The following CHP1 variants were observed in gnomAD, a reference collection of about 807,000 sequenced individuals.
CHP1 encodes calcineurin B homologous protein 1.
Under a neutral mutation model 27.4 loss-of-function variants are expected in CHP1, and 11 were observed. The ratio of observed to expected loss-of-function variants is 0.40; its 90% confidence interval spans 0.25 to 0.67. The LOEUF is 0.67. Among genes scored for constraint, CHP1 ranks in the 30% least tolerant of loss-of-function variants. The pLI, the probability that CHP1 is intolerant of heterozygous loss-of-function variation, is 0.38. For missense variants in CHP1, 169 were observed against 251.3 expected (o/e 0.67, Z 2.22); for synonymous variants, 89 against 87.4 (o/e 1.02, Z -0.10).
chr15:41,278,639 A>C, intron 5 of CHP1, 128 bp from the exon 6 acceptor site: 1 of 1,056,064 alleles, frequency 9.5e-7, no homozygotes, highest in South Asian at 1.6e-5. Context: ...AAACATTATT[A>C]TGCAGTGCAT....
At chr15:41,263,762 G>C (rs957217349) in intron 4 of CHP1, among the ~76,000 whole-genome samples, 4 of 152,060 alleles carry the variant, frequency 2.6e-5, no homozygotes, top group African/African-American at 9.7e-5. Flanking sequence ...GTGCTCCCAG[G>C]TACTTGGGAG....
chr15:41,239,518 C>T (rs796889364), intron 1 of CHP1, among the ~76,000 whole-genome samples: 2 of 151,886 alleles, frequency 1.3e-5, no homozygotes, highest in African/African-American at 4.8e-5. Context: ...ATTCTCCTGC[C>T]TCAGCCTCCC....
Position 41,231,292 on chromosome 15 carries a change from C to T in CHP1, c.-91C>T. On this transcript the variant is annotated 5_prime_UTR_variant, in exon 1 of 7. Transcript: ENST00000334660. ...CAGTGGAAACACTGCCCTCTCCCTT[C>T]TTGACCCCTAGCCCTTCCTTCCCTC... is the stretch of plus-strand genomic sequence containing the variant. 7.7e-7 allele frequency: 1 copy of T among 1,295,322 alleles called. No individual in the cohort carries two copies. Among genetic ancestry groups the T allele is most frequent in the East Asian group, 2.5e-5 (1 of 39,710 alleles). 80.2% of individuals were successfully genotyped at this position (1,295,322 alleles called of 1,614,324 possible).
chr15:41,251,464 G>T (rs1221107718), intron 2 of CHP1, among the ~76,000 whole-genome samples: 1 of 152,138 alleles, frequency 6.6e-6, no homozygotes, highest in African/African-American at 2.4e-5. Flanking sequence ...AGGACCCCTG[G>T]GGTCCCCAAC....
chr15:41,254,335 G>A (rs559146078), intron 2 of CHP1, among the ~76,000 whole-genome samples: 1 of 152,272 alleles, frequency 6.6e-6, no homozygotes, highest in Non-Finnish European at 1.5e-5. Flanking sequence ...TCTTAAGCTT[G>A]TTAGACATTA....
At chr15:41,270,722 A>C (rs775041593) in intron 5 of CHP1, 104 bp downstream of exon 5, 45 of 880,232 alleles carry the variant, frequency 5.1e-5, no homozygotes, top group Non-Finnish European at 8.1e-5. Context: ...AATACCTGCT[A>C]TGTGCAGAGT....
chr15:41,271,802 T>C (rs140364278), intron 5 of CHP1, among the ~76,000 whole-genome samples: 50 of 152,348 alleles, frequency 3.3e-4, no homozygotes, highest in African/African-American at 1.2e-3. Context: ...TTCAGGTCAG[T>C]GTTAGCGTCC....
chr15:41,268,178 G>A (rs1222071233), intron 4 of CHP1, among the ~76,000 whole-genome samples: 4 of 152,164 alleles, frequency 2.6e-5, no homozygotes, highest in Non-Finnish European at 5.9e-5. Flanking sequence ...GTCTGTGAAG[G>A]AAGTGAATAC....
At chr15:41,244,753 T>C (rs2047325199) in intron 2 of CHP1, among the ~76,000 whole-genome samples, 1 of 152,226 alleles carries the variant, frequency 6.6e-6, no homozygotes, top group Non-Finnish European at 1.5e-5. Flanking sequence ...TGTAATGCTA[T>C]ATTGTTTTAT....
rs147706117 is a variant in CHP1 at position 41,278,796 on chromosome 15, C to T, written c.441C>T (p.Ile147=). The change falls in exon 6 of 7, where the codon ATC becomes ATT. Residue 147 remains isoleucine (I), a synonymous_variant. Coordinates refer to ENST00000334660, the MANE Select transcript of CHP1 (RefSeq NM_007236.5). ...TACGCATGATGGTCGGAGTAAATAT[C>T]TCAGATGAGCAGCTGGGCAGCATCG... ...QVLRMMVGVN[I]SDEQLGSIAD... The T allele has an allele frequency of 6.2e-7, 1 of 1,614,146 alleles. No homozygotes were observed. The highest frequency in any genetic ancestry group is 8.5e-7 in the Non-Finnish European group (1 of 1,180,012).
chr15:41,240,196 G>C lies in CHP1; in HGVS notation c.68-3471G>C, dbSNP rs899841043. Among the ~76,000 whole-genome samples, 4 of 151,212 alleles carry C rather than the reference G, an allele frequency of 2.6e-5. 1 individual carries two copies. The highest frequency in any genetic ancestry group is 9.7e-5 in the African/African-American group (4 of 41,106). On this transcript the variant is annotated intron_variant, in intron 1 of 6. Transcript: ENST00000334660. Reference sequence around the variant, plus strand: ...TATTTTTTATTTTTATTTTTATTTTGTTCCCCAGCCTGGTCTTGAACTCCT... The same window carrying C: ...TATTTTTTATTTTTATTTTTATTTTCTTCCCCAGCCTGGTCTTGAACTCCT...
At chr15:41,247,672 A>T (rs573421746) in intron 2 of CHP1, among the ~76,000 whole-genome samples, 5 of 149,586 alleles carry the variant, frequency 3.3e-5, no homozygotes, top group African/African-American at 7.4e-5. Flanking sequence ...ACTCCATCTT[A>T]AAATAAATAA....
intron 1 of CHP1, among the ~76,000 whole-genome samples, chr15:41,243,364 A>G (rs1027007050): frequency 6.6e-6 from 1 of 152,088 alleles, no homozygotes; most frequent in African/African-American, 2.4e-5. Context: ...GGGATAGGAT[A>G]GGACAGGACA....
intron 2 of CHP1, 132 bp downstream of exon 2, chr15:41,243,871 T>C: frequency 1.4e-6 from 1 of 708,160 alleles, no homozygotes; most frequent in Admixed American, 2.7e-5. Flanking sequence ...ATTTCTCTAC[T>C]GGTCTTTGAG....
chr15:41,278,658 T>C, intron 5 of CHP1, 109 bp from the exon 6 acceptor site: 1 of 1,340,912 alleles, frequency 7.5e-7, no homozygotes, highest in Non-Finnish European at 1.0e-6. Context: ...ATGACTGTAT[T>C]TGAGGGCATC....
chr15:41,233,593 G>A (rs936097789), intron 1 of CHP1, among the ~76,000 whole-genome samples: 6 of 152,158 alleles, frequency 3.9e-5, no homozygotes, highest in African/African-American at 9.7e-5. Flanking sequence ...TACAGTGTCT[G>A]TTCAGTACTG....
At chr15:41,262,131 T>C (rs980705790) in intron 3 of CHP1, among the ~76,000 whole-genome samples, 3 of 152,104 alleles carry the variant, frequency 2.0e-5, no homozygotes, top group Non-Finnish European at 4.4e-5. Context: ...GTAGTGCCAC[T>C]GCATTCCAGC....
chr15:41,261,561 A>G (rs1043177137), intron 3 of CHP1, among the ~76,000 whole-genome samples: 1 of 152,082 alleles, frequency 6.6e-6, no homozygotes, highest in Non-Finnish European at 1.5e-5. Flanking sequence ...GTTTGCTTTT[A>G]TAATTAAATA....
chr15:41,259,740 G>A (rs1365571785), intron 3 of CHP1, among the ~76,000 whole-genome samples: 1 of 152,098 alleles, frequency 6.6e-6, no homozygotes, highest in African/African-American at 2.4e-5. Flanking sequence ...GAACTAAAAG[G>A]TCATTCTTTT....
Sources: gnomAD v4.1 joint callset for allele counts (sites outside exome capture counted in the v4.1 genomes callset) on GRCh38, gnomAD v4.1.1 for gene constraint, MANE v1.5 for transcripts, NCBI Gene and HGNC (gene_info 2026-07-23, HGNC 2026-07-21) for gene names.